Variants in NOX4 observed in about 807,000 individuals in gnomAD.
NOX4 encodes NADPH oxidase 4, also known as kidney oxidase-1.
Under a neutral mutation model 87.6 loss-of-function variants are expected in NOX4, and 69 were observed. The ratio of observed to expected loss-of-function variants is 0.79; its 90% confidence interval spans 0.65 to 0.96. NOX4 has a LOEUF of 0.96. NOX4 is among the 40% of genes least tolerant of loss of function. NOX4 has a pLI of 0.00. For synonymous variants in NOX4, 275 were observed against 238.2 expected, an observed-to-expected ratio of 1.15 and a Z score of -1.42; for missense variants, 680 against 681.5, an observed-to-expected ratio of 1.00 and a Z score of 0.02.
chr11:89,520,332 T>C, the NOX4 span, among the ~76,000 whole-genome samples: 3 of 152,264 alleles, frequency 2.0e-5, no homozygotes, highest in Middle Eastern at 3.4e-3. Context: ...GATTCCATAA[T>C]GTTTCTTTGC....
chr11:89,464,912 A>T (rs994794318), intron 2 of NOX4, among the ~76,000 whole-genome samples: 1 of 152,208 alleles, frequency 6.6e-6, no homozygotes, highest in African/African-American at 2.4e-5. Context: ...TTTGGAGTTA[A>T]GGCCTTTGAT....
rs1398363169 is a variant in NOX4 at position 89,406,100 on chromosome 11, T to C, written c.630-3558A>G. On this transcript the variant is annotated intron_variant, in intron 8 of 17. Coordinates refer to ENST00000263317, the MANE Select transcript of NOX4 (RefSeq NM_016931.5). ...AATGCAATAACTTACTTTTTCATTG[T>C]ATGAGTAAAGAGTAAAAGTGCTCAT... Among the ~76,000 whole-genome samples the C allele has an allele frequency of 2.0e-5, 3 of 152,272 alleles. No individual in the cohort carries two copies. In the East Asian group the frequency reaches 5.8e-4, roughly 29 times the overall value.
chr11:89,347,187 C>T (rs1946250875), intron 13 of NOX4, among the ~76,000 whole-genome samples: 1 of 152,176 alleles, frequency 6.6e-6, no homozygotes, highest in Non-Finnish European at 1.5e-5. Flanking sequence ...ATAACCACTA[C>T]CACAAATATG....
chr11:89,577,058 T>C, the NOX4 span: 2 of 152,070 alleles, frequency 1.3e-5, no homozygotes, highest in Admixed American at 6.6e-5. Context: ...CTTTTACCTG[T>C]TAAGGGTCCC....
intron 11 of NOX4, among the ~76,000 whole-genome samples, chr11:89,383,673 G>A (rs1457846115): frequency 6.6e-6 from 1 of 152,086 alleles, no homozygotes; most frequent in Admixed American, 6.5e-5. Flanking sequence ...CAACTCTGAT[G>A]CCAACTTGGA....
intron 7 of NOX4, among the ~76,000 whole-genome samples, chr11:89,423,203 G>A (rs317127): frequency 0.58 from 88,547 of 151,952 alleles, 28,069 homozygotes; most frequent in African/African-American, 0.84. Context: ...CTCTAAAAAT[G>A]TATTTATTAA....
the NOX4 span, among the ~76,000 whole-genome samples, chr11:89,588,468 T>C: frequency 1.3e-5 from 2 of 152,026 alleles, no homozygotes; most frequent in Non-Finnish European, 2.9e-5. Flanking sequence ...TTTTTAGTCT[T>C]AACAGGTCAT....
At chr11:89,375,766 A>C (rs1482178249) in intron 11 of NOX4, among the ~76,000 whole-genome samples, 3 of 152,200 alleles carry the variant, frequency 2.0e-5, no homozygotes, top group Non-Finnish European at 4.4e-5. Flanking sequence ...TCAGAACGCA[A>C]GATACCCAAC....
rs1326223683 is a variant in NOX4 at position 89,400,629 on chromosome 11, AG to A, written c.847-251del. The stretch of plus-strand genomic sequence containing the variant: ...CATGCCCTGGGTGTAACTATCCATG[AG>A]CAAACAAGTATATATTCTTTCATAC... On this transcript the variant is annotated intron_variant, in intron 9 of 17. Transcript: ENST00000263317. Among the ~76,000 whole-genome samples, 20 of 152,186 alleles carry A rather than the reference AG, an allele frequency of 1.3e-4. 1 individual carries two copies. Among genetic ancestry groups the A allele is most frequent in the African/African-American group, 4.8e-4 (20 of 41,552 alleles).
chr11:89,573,397 G>A, the NOX4 span, among the ~76,000 whole-genome samples: 4 of 152,188 alleles, frequency 2.6e-5, no homozygotes. Flanking sequence ...AAATTAGCCA[G>A]GCGTGGTGGC....
intron 16 of NOX4, among the ~76,000 whole-genome samples, chr11:89,337,110 T>C (rs1458107079): frequency 6.6e-6 from 1 of 152,048 alleles, no homozygotes; most frequent in African/African-American, 2.4e-5. Context: ...TAAGCTTAAC[T>C]GTATACGAAC....
chr11:89,553,743 A>G, the NOX4 span, among the ~76,000 whole-genome samples: 2 of 152,268 alleles, frequency 1.3e-5, no homozygotes, highest in East Asian at 3.9e-4. Flanking sequence ...TTACACACAT[A>G]TTATCAAGAT....
chr11:89,332,524 G>A (rs998178825), intron 17 of NOX4, among the ~76,000 whole-genome samples: 2 of 151,860 alleles, frequency 1.3e-5, no homozygotes, highest in African/African-American at 4.8e-5. Context: ...GGTTTACAAT[G>A]TAATATTTAG....
At chr11:89,389,651 T>C (rs1303528190) in intron 11 of NOX4, among the ~76,000 whole-genome samples, 1 of 152,134 alleles carries the variant, frequency 6.6e-6, no homozygotes, top group East Asian at 1.9e-4. Context: ...TTCGAAATGG[T>C]AATTTTACTT....
intron 13 of NOX4, among the ~76,000 whole-genome samples, chr11:89,353,851 T>C (rs1937770100): frequency 1.3e-5 from 2 of 152,206 alleles, no homozygotes; most frequent in Admixed American, 1.3e-4. Context: ...ATGCTCCTGG[T>C]CAACATGTAC....
chr11:89,498,075 G>C (rs1946978230), exon 1 of NOX4: 1 of 152,138 alleles, frequency 6.6e-6, no homozygotes. Flanking sequence ...CTTCCCAGCT[G>C]CATCAGGAAC....
chr11:89,539,689 G>A, the NOX4 span, among the ~76,000 whole-genome samples: 1 of 151,940 alleles, frequency 6.6e-6, no homozygotes, highest in African/African-American at 2.4e-5. Context: ...GTGACTCAGG[G>A]CTCCAAGAGT....
intron 11 of NOX4, among the ~76,000 whole-genome samples, chr11:89,374,966 A>G (rs962704587): frequency 2.0e-5 from 3 of 152,166 alleles, no homozygotes; most frequent in African/African-American, 7.2e-5. Context: ...AAAGTACCAT[A>G]TCTTATGTTA....
At chr11:89,426,353 T>C (rs1591201661) in intron 7 of NOX4, among the ~76,000 whole-genome samples, 1 of 152,010 alleles carries the variant, frequency 6.6e-6, no homozygotes, top group East Asian at 1.9e-4. Context: ...TTCATCTCAC[T>C]AGGGCTTGTC....
Sources: gnomAD v4.1 joint callset for allele counts (sites outside exome capture counted in the v4.1 genomes callset) on GRCh38, gnomAD v4.1.1 for gene constraint, MANE v1.5 for transcripts, NCBI Gene and HGNC (gene_info 2026-07-23, HGNC 2026-07-21) for gene names.